Variants in RANBP10 observed in about 807,000 individuals in gnomAD.
RANBP10 encodes the protein RAN binding protein 10, also known as ran-binding protein 10.
RANBP10 carries 24 observed loss-of-function variants against 72.8 expected under a neutral mutation model. The observed-to-expected ratio is 0.33, with a 90% CI of 0.24 to 0.46. The LOEUF is 0.46. Ranked by LOEUF, RANBP10 falls within the 20% of genes least tolerant of loss-of-function variation. The pLI is 1.00. For missense variants in RANBP10, 679 were observed against 817.5 expected (o/e 0.83, Z 2.07); for synonymous variants, 310 against 322.3 (o/e 0.96, Z 0.41).
rs2053572885 is a variant in RANBP10 at position 67,724,787 on chromosome 16, A to G, written c.*1641T>C. ...CACACCAACCATTCCCATGTCCACC[A>G]ATATGGAGCAGGAGCTTGCAAAGCC... On this transcript the variant is annotated 3_prime_UTR_variant, in exon 14 of 14. Coordinates refer to ENST00000317506, the MANE Select transcript of RANBP10 (RefSeq NM_020850.3). 1 of 152,256 alleles carries G rather than the reference A, an allele frequency of 6.6e-6. No individual in the cohort carries two copies. Among genetic ancestry groups the G allele is most frequent in the South Asian group, 2.1e-4 (1 of 4,838 alleles). The allele number at this position is 152,256 out of a possible 1,614,324, so 9.4% of individuals were successfully genotyped here.
chr16:67,774,683 C>A (rs971272293), intron 2 of RANBP10, among the ~76,000 whole-genome samples: 1 of 152,160 alleles, frequency 6.6e-6, no homozygotes, highest in African/African-American at 2.4e-5. Flanking sequence ...CCACAGGAGC[C>A]CAGGTTGCAT....
intron 2 of RANBP10, among the ~76,000 whole-genome samples, chr16:67,800,575 TAGAA>T (rs1335298609): frequency 1.3e-5 from 2 of 152,136 alleles, no homozygotes; most frequent in Admixed American, 1.3e-4. Context: ...CTTCGCTTCC[TAGAA>T]AGACAGACCT....
At chr16:67,746,269 CAGG>C (rs1425926220) in intron 3 of RANBP10, among the ~76,000 whole-genome samples, 1 of 152,010 alleles carries the variant, frequency 6.6e-6, no homozygotes, top group Admixed American at 6.6e-5. Flanking sequence ...ATCATGAGGT[CAGG>C]AGATCAAGAC....
intron 2 of RANBP10, among the ~76,000 whole-genome samples, chr16:67,793,308 ATTT>A (rs752769973): frequency 6.8e-5 from 9 of 131,490 alleles, no homozygotes; most frequent in Admixed American, 7.7e-5. Flanking sequence ...CTGGCTTGTA[ATTT>A]TTTTTTTTTT....
At chr16:67,805,842 G>A (rs995006487) in intron 1 of RANBP10, among the ~76,000 whole-genome samples, 12 of 152,232 alleles carry the variant, frequency 7.9e-5, no homozygotes, top group African/African-American at 2.9e-4. Flanking sequence ...GCCCACCTGG[G>A]AGGCCAGGGG....
rs373525904 is a variant in RANBP10, at chr16:67,727,310, T to C, written c.1732+17A>G. 2.5e-6 allele frequency: 4 copies of C among 1,594,802 alleles called. No homozygotes were observed. The highest frequency in any genetic ancestry group is 2.2e-5 in the South Asian group (2 of 89,944). On this transcript the variant is annotated intron_variant, in intron 13 of 13. Coordinates refer to ENST00000317506, the MANE Select transcript of RANBP10 (RefSeq NM_020850.3). ...CAGACTCTGTCTCTAATAATAATAATAAATAGATTCACTCACCTAAAATGG... is the reference window on the plus strand; with the variant it reads ...CAGACTCTGTCTCTAATAATAATAACAAATAGATTCACTCACCTAAAATGG...
intron 2 of RANBP10, among the ~76,000 whole-genome samples, chr16:67,800,653 G>A (rs776529366): frequency 2.0e-5 from 3 of 152,060 alleles, no homozygotes; most frequent in East Asian, 3.8e-4. Context: ...CACCAGACCC[G>A]CTCCCCGAGT....
chr16:67,727,613 G>C, intron 12 of RANBP10, 138 bp downstream of exon 12: 11 of 1,398,740 alleles, frequency 7.9e-6, no homozygotes, highest in African/African-American at 1.4e-5. Context: ...CATGTCCAGT[G>C]GGCCCAGATG....
At chr16:67,793,568 T>C (rs1259973890) in intron 2 of RANBP10, among the ~76,000 whole-genome samples, 2 of 152,052 alleles carry the variant, frequency 1.3e-5, no homozygotes, top group African/African-American at 4.8e-5. Flanking sequence ...CACCTCAGCC[T>C]CCCAAAGTGC....
At chr16:67,754,479 C>A (rs563662765) in intron 3 of RANBP10, among the ~76,000 whole-genome samples, 2 of 152,314 alleles carry the variant, frequency 1.3e-5, no homozygotes, top group South Asian at 2.1e-4. Context: ...GCACCAAAGG[C>A]ACCAGAAGCC....
chr16:67,782,445 T>A (rs1485017857), intron 2 of RANBP10, among the ~76,000 whole-genome samples: 2 of 151,772 alleles, frequency 1.3e-5, no homozygotes, highest in African/African-American at 4.8e-5. Context: ...TATTTTATAT[T>A]TTATTTTATT....
At chr16:67,773,091 G>A (rs1343174982) in intron 2 of RANBP10, among the ~76,000 whole-genome samples, 2 of 152,220 alleles carry the variant, frequency 1.3e-5, no homozygotes, top group Admixed American at 1.3e-4. Context: ...ATCTCATGTA[G>A]ACATGTAATA....
At position 67,727,528 on chromosome 16, in the gene RANBP10, T is replaced by C. The variant is rs547919327; in HGVS notation, c.1621-90A>G. ...CTCCAGAGGGAGACAGGGCCCTGCATGATGCCCAGCCTGGAATGTGGGGTG... is the reference window on the plus strand; with the variant it reads ...CTCCAGAGGGAGACAGGGCCCTGCACGATGCCCAGCCTGGAATGTGGGGTG... On this transcript the variant is annotated intron_variant, in intron 12 of 13. Coordinates refer to ENST00000317506, the MANE Select transcript of RANBP10 (RefSeq NM_020850.3). 1.9e-4 allele frequency: 259 copies of C among 1,369,322 alleles called. 1 individual carries two copies. In the African/African-American group the frequency reaches 3.3e-3, roughly 17 times the overall value. The allele number at this position is 1,369,322 out of a possible 1,614,324, so 84.8% of individuals were successfully genotyped here.
intron 2 of RANBP10, among the ~76,000 whole-genome samples, chr16:67,789,865 A>G (rs2054991315): frequency 1.3e-5 from 2 of 151,836 alleles, no homozygotes; most frequent in African/African-American, 2.4e-5. Flanking sequence ...TTGGGAGGCC[A>G]AGACAGGCGG....
At chr16:67,801,471 G>A (rs2055234219) in intron 2 of RANBP10, among the ~76,000 whole-genome samples, 1 of 152,134 alleles carries the variant, frequency 6.6e-6, no homozygotes, top group African/African-American at 2.4e-5. Context: ...CCTAAGCCCT[G>A]CAGCCAGGGT....
chr16:67,728,929 C>T (rs932156058), intron 10 of RANBP10, among the ~76,000 whole-genome samples: 1 of 152,258 alleles, frequency 6.6e-6, no homozygotes, highest in East Asian at 1.9e-4. Flanking sequence ...TGCGGCTTAG[C>T]TTCCCCTGCC....
intron 3 of RANBP10, among the ~76,000 whole-genome samples, chr16:67,766,792 C>A (rs1277964473): frequency 6.6e-6 from 1 of 152,176 alleles, no homozygotes; most frequent in Non-Finnish European, 1.5e-5. Context: ...GCCCTTTACT[C>A]CATCCTCCCA....
At chr16:67,781,017 C>T (rs2054799567) in intron 2 of RANBP10, among the ~76,000 whole-genome samples, 1 of 152,370 alleles carries the variant, frequency 6.6e-6, no homozygotes, top group Non-Finnish European at 1.5e-5. Flanking sequence ...TCAACACATG[C>T]CCACTGGCAT....
rs2115392 is a variant in RANBP10 at position 67,730,632 on chromosome 16, G to A, written c.890-586C>T. On this transcript the variant is annotated intron_variant, in intron 7 of 13. Coordinates refer to ENST00000317506, the MANE Select transcript of RANBP10 (RefSeq NM_020850.3). The surrounding 1 kb of genome is among the most constrained non-coding windows in gnomAD (Gnocchi z 4.3). Reference sequence around the variant, plus strand: ...TTGCTGCTGCCTTTTCGCTCTTGCCGTGGGGCCTGGTGCATCTCGCTGGGA... The same window carrying A: ...TTGCTGCTGCCTTTTCGCTCTTGCCATGGGGCCTGGTGCATCTCGCTGGGA... Among the ~76,000 whole-genome samples, 7,170 of 152,232 alleles carry A rather than the reference G, an allele frequency of 0.047. 478 individuals are homozygous for A. The highest frequency in any genetic ancestry group is 0.15 in the African/African-American group (6,264 of 41,524).
Sources: allele counts gnomAD v4.1 joint callset (sites outside exome capture counted in the v4.1 genomes callset), GRCh38; gene constraint gnomAD v4.1.1; non-coding constraint Gnocchi (gnomAD v3.1); transcripts MANE v1.5; gene names NCBI Gene and HGNC (gene_info 2026-07-23, HGNC 2026-07-21).